The following FASN variants were observed in gnomAD, a reference collection of about 807,000 sequenced individuals.
FASN encodes the protein 3-hydroxyacyl-[acyl-carrier-protein] dehydratase.
In FASN, 50 loss-of-function variants were observed where a neutral mutation model predicts 250.0. That is an observed-to-expected ratio of 0.20 (90% CI 0.16 to 0.25). The LOEUF (loss-of-function observed/expected upper bound fraction) is 0.25, where lower values mean the gene tolerates loss of function less well. Among genes scored for constraint, FASN ranks in the 10% least tolerant of loss-of-function variants. FASN has a pLI of 1.00. For synonymous variants in FASN, 1,909 were observed against 1,584.0 expected (o/e 1.21, Z -4.87); for missense variants, 3,031 against 3,498.5 (o/e 0.87, Z 3.37).
chr17:82,084,585 C>T lies in FASN; in HGVS notation c.4696G>A (p.Val1566Ile). Residue 1566 changes from valine (V) to isoleucine (I), a missense_variant, in exon 27 of 43, where the codon GTC (valine) becomes ATC (isoleucine). Transcript: ENST00000306749. Reference sequence around the variant, plus strand: ...CGGAAGTTGAGGGAGGCGTAGTAGACCGTGCAGAGCTGGGCGCCAGGGCAG... The same window carrying T: ...CGGAAGTTGAGGGAGGCGTAGTAGATCGTGCAGAGCTGGGCGCCAGGGCAG... ...PTCPGAQLCT[V>I]YYASLNFRDI... 1 of 1,611,042 alleles carries T rather than the reference C, an allele frequency of 6.2e-7. No homozygotes were observed.
Position 82,090,549 on chromosome 17 carries a change from G to A in FASN, c.1696C>T (p.Leu566=), listed in dbSNP as rs1415208376. The A allele has an allele frequency of 1.2e-5, 19 of 1,611,394 alleles. No individual in the cohort carries two copies. The highest frequency in any genetic ancestry group is 1.6e-5 in the Non-Finnish European group (19 of 1,179,368). Residue 566 remains leucine (L), a synonymous_variant, in exon 11 of 43, where the codon CTG becomes TTG. Coordinates refer to ENST00000306749, the MANE Select transcript of FASN (RefSeq NM_004104.5). ...GGCCTCAGCCCCATGCAGCTCAGCA[G>A]GTCTATGAGGCCTATCTGGGGTGGG... The part of the protein sequence containing the change: ...LTAIQIGLID[L]LSCMGLRPDG...
chr17:82,078,552 G>C lies in FASN; in HGVS notation c.*591C>G. On this transcript the variant is annotated 3_prime_UTR_variant, in exon 43 of 43. Coordinates refer to ENST00000306749, the MANE Select transcript of FASN (RefSeq NM_004104.5). The surrounding 1 kb of genome is among the most constrained non-coding windows in gnomAD (Gnocchi z 5.4). ...CCGGGCATAAGGGCAGCACCCCACG[G>C]GTGGCTGTGCGGGGGGCCGCTGGGT... 6.1e-6 allele frequency: 1 copy of C among 164,452 alleles called. No individual in the cohort carries two copies. Among genetic ancestry groups the C allele is most frequent in the Admixed American group, 5.8e-5 (1 of 17,358 alleles). The allele number at this position is 164,452 out of a possible 1,614,324, so 10.2% of individuals were successfully genotyped here.
chr17:82,095,444 G>C lies in FASN; in HGVS notation c.156C>G (p.Gly52=). 1 of 1,612,762 alleles carries C rather than the reference G, an allele frequency of 6.2e-7. No homozygotes were observed. The highest frequency in any genetic ancestry group is 8.5e-7 in the Non-Finnish European group (1 of 1,180,022). The change falls in exon 3 of 43, where the codon GGC becomes GGG. Residue 52 remains glycine (G), a synonymous_variant. Coordinates refer to ENST00000306749, the MANE Select transcript of FASN (RefSeq NM_004104.5). ...CAAACCTAGACAGGTCCTTCAGCTT[G>C]CCGGACCGCCGGGGCAGGCCGTAGA... ...AGLYGLPRRS[G]KLKDLSRFDA...
intron 3 of FASN, 149 bp downstream of exon 3, chr17:82,095,171 C>T (rs747917018): frequency 9.9e-5 from 97 of 976,488 alleles, no homozygotes; most frequent in Non-Finnish European, 1.5e-4. Context: ...CCCACACCTC[C>T]CTGAGCCCGT....
rs750027109 is a variant in FASN at position 82,089,760 on chromosome 17, G to A, written c.1871-34C>T. 288 of 1,543,726 alleles carry A rather than the reference G, an allele frequency of 1.9e-4. 2 individuals carry two copies. In the South Asian group the frequency reaches 2.7e-3, roughly 14 times the overall value. ...GAGCCAGCCTCAGAGGCTTAGCGTGGACACCGAGCCGCTCCCAGCCACCCA... is the reference window on the plus strand; with the variant it reads ...GAGCCAGCCTCAGAGGCTTAGCGTGAACACCGAGCCGCTCCCAGCCACCCA... On this transcript the variant is annotated intron_variant, in intron 11 of 42. Coordinates refer to ENST00000306749, the MANE Select transcript of FASN (RefSeq NM_004104.5).
At chr17:82,095,221 C>T (rs573729951) in intron 3 of FASN, 99 bp downstream of exon 3, 8 of 1,422,752 alleles carry the variant, frequency 5.6e-6, no homozygotes, top group African/African-American at 2.8e-5. Flanking sequence ...GTAGGTGGTG[C>T]CAGCACCTGG....
intron 1 of FASN, 146 bp downstream of exon 1, chr17:82,097,975 G>T: frequency 3.6e-6 from 1 of 280,210 alleles, no homozygotes; most frequent in East Asian, 5.9e-5. Flanking sequence ...ACCGAGACCC[G>T]GACAGGCCGC....
At chr17:82,092,271 G>A (rs1003927412) in intron 8 of FASN, among the ~76,000 whole-genome samples, 184 bp downstream of exon 8, 2 of 152,226 alleles carry the variant, frequency 1.3e-5, no homozygotes, top group African/African-American at 4.8e-5. Context: ...CTGGCTACGA[G>A]CTCTCCCTGC....
At chr17:82,098,001 A>G (rs190192632) in intron 1 of FASN, 120 bp downstream of exon 1, 4,750 of 293,742 alleles carry the variant, frequency 0.016, 58 homozygotes, top group South Asian at 0.022. Context: ...CGACCCCTGG[A>G]TACGGGGCCG....
At chr17:82,086,659 G>T in intron 21 of FASN, 101 bp from the exon 22 acceptor site, 1 of 879,920 alleles carries the variant, frequency 1.1e-6, no homozygotes, top group Non-Finnish European at 1.8e-6. Context: ...CCACCACCCC[G>T]CTCTGCCCAC....
In FASN at chr17:82,082,168, C is replaced by A. The variant is rs2144782931; in HGVS notation, c.6012-8G>T. 6.2e-7 allele frequency: 1 copy of A among 1,601,720 alleles called. No homozygotes were observed. The highest frequency in any genetic ancestry group is 1.7e-5 in the Admixed American group (1 of 60,008). On this transcript the variant is annotated splice_region_variant and splice_polypyrimidine_tract_variant and intron_variant, in intron 35 of 42. Transcript: ENST00000306749. ...CACGCCTCTCGGGTCACCCTGTGGG[C>A]ACGCGTGTCACTCCCCATTGGCCAG...
At position 82,087,148 on chromosome 17, in the gene FASN, T is replaced by C; in HGVS notation, c.3329A>G (p.Gln1110Arg). ...GCAAAACTTCTCCAGGATGGGCACC[T>C]GCTGCTCCTGCTGCCGCCGCGGGGC... is the stretch of plus-strand genomic sequence containing the variant. Reference protein sequence around the residue: ...ESAPRRQQEQQVPILEKFCFT... With the variant: ...ESAPRRQQEQRVPILEKFCFT... The change falls in exon 21 of 43, where the codon CAG becomes CGG. Residue 1110 changes from glutamine (Q) to arginine (R), a missense_variant. Transcript: ENST00000306749. The C allele has an allele frequency of 1.2e-6, 2 of 1,610,764 alleles. No homozygotes were observed. The highest frequency in any genetic ancestry group is 1.7e-6 in the Non-Finnish European group (2 of 1,179,390).
rs765711560 is a variant in FASN at position 82,086,358 on chromosome 17, G to A, written c.3628C>T (p.Pro1210Ser). Residue 1210 changes from proline to serine, a missense_variant, in exon 22 of 43, where the codon CCA becomes TCA. Physicochemically the swap from Pro to Ser is moderately conservative, Grantham distance 74. Coordinates refer to ENST00000306749, the MANE Select transcript of FASN (RefSeq NM_004104.5). ...QVLAQERPKL[P>S]EDPLLSGLLD... ...AGGCCGCTGAGCAGAGGGTCCTCTG[G>A]CAGCTTGGGCCTCTCCTGGGCCAGC... The A allele has an allele frequency of 2.5e-6, 4 of 1,608,516 alleles. No individual in the cohort carries two copies. The highest frequency in any genetic ancestry group is 3.4e-6 in the Non-Finnish European group (4 of 1,179,616).
At position 82,082,120 on chromosome 17, in the gene FASN, C is replaced by T. The variant is rs761882294; in HGVS notation, c.6052G>A (p.Val2018Ile). ...EACPELDYFV[V>I]FSSVSCGRGN... ...CGCCCGCAGCTCACAGAGGAGAAGA[C>T]CACAAAGTAGTCCAGCTCAGGGCAC... is the stretch of plus-strand genomic sequence containing the variant. The change falls in exon 36 of 43, where the codon GTC (valine) becomes ATC (isoleucine). Residue 2018 changes from valine to isoleucine, a missense_variant. Val to Ile is a conservative substitution (Grantham distance 29). Transcript: ENST00000306749. 1 of 1,607,434 alleles carries T rather than the reference C, an allele frequency of 6.2e-7. No individual in the cohort carries two copies. Among genetic ancestry groups the T allele is most frequent in the South Asian group, 1.1e-5 (1 of 91,092 alleles).
At chr17:82,095,193 G>T in intron 3 of FASN, 127 bp downstream of exon 3, 1 of 1,204,084 alleles carries the variant, frequency 8.3e-7, no homozygotes, top group Non-Finnish European at 1.2e-6. Flanking sequence ...GGCCAGGCCA[G>T]GGGCACAGCC....
Position 82,096,502 on chromosome 17 carries a change from C to T in FASN, c.-7-50G>A. The T allele has an allele frequency of 3.1e-6, 5 of 1,602,466 alleles. No individual in the cohort carries two copies. The South Asian group carries it at 4.4e-5, about 14-fold the overall frequency. On this transcript the variant is annotated intron_variant, in intron 1 of 42. Coordinates refer to ENST00000306749, the MANE Select transcript of FASN (RefSeq NM_004104.5). Reference sequence around the variant, plus strand: ...CCCACACATCCCGGCCACGACACCCCCGTCAACAGCCTCGGCACCCAGAAC... The same window carrying T: ...CCCACACATCCCGGCCACGACACCCTCGTCAACAGCCTCGGCACCCAGAAC...
intron 20 of FASN, 32 bp downstream of exon 20, chr17:82,087,293 G>T: frequency 6.2e-7 from 1 of 1,605,746 alleles, no homozygotes; most frequent in East Asian, 2.2e-5. Flanking sequence ...TACTTGGGTG[G>T]GGGCACTGGG....
At chr17:82,088,905 T>C in intron 14 of FASN, 29 bp from the exon 15 acceptor site, 1 of 1,610,406 alleles carries the variant, frequency 6.2e-7, no homozygotes. Flanking sequence ...GTGGGCTCTC[T>C]TGGTGCTCAG....
At chr17:82,079,682 G>A in intron 41 of FASN, 74 bp from the exon 42 acceptor site, 2 of 1,524,752 alleles carry the variant, frequency 1.3e-6, no homozygotes, top group Non-Finnish European at 1.7e-6. Flanking sequence ...ACTGCGGGTG[G>A]GCTTTTTTTT....
Sources: gnomAD v4.1 joint callset for allele counts (sites outside exome capture counted in the v4.1 genomes callset) on GRCh38, gnomAD v4.1.1 for gene constraint, Gnocchi (gnomAD v3.1) non-coding constraint, MANE v1.5 for transcripts, NCBI Gene and HGNC (gene_info 2026-07-23, HGNC 2026-07-21) for gene names.